Variants in ABCC11 observed in about 807,000 individuals in gnomAD.
ABCC11 encodes the protein ATP binding cassette subfamily C member 11, also known as ATP-binding cassette sub-family C member 11.
In ABCC11, 135 loss-of-function variants were observed where a neutral mutation model predicts 149.3. The observed-to-expected ratio is 0.90, with a 90% CI of 0.79 to 1.04. The LOEUF is 1.04. ABCC11 is among the 50% of genes least tolerant of loss of function. ABCC11 has a pLI of 0.00. For missense variants in ABCC11, 1,680 were observed against 1,722.1 expected, an observed-to-expected ratio of 0.98 and a Z score of 0.43; for synonymous variants, 665 against 671.4, an observed-to-expected ratio of 0.99 and a Z score of 0.15.
At chr16:48,219,045 C>T (rs1969544647) in intron 6 of ABCC11, among the ~76,000 whole-genome samples, 1 of 152,090 alleles carries the variant, frequency 6.6e-6, no homozygotes, top group Non-Finnish European at 1.5e-5. Context: ...TTTCTATTGG[C>T]AAAACCAAGA....
intron 9 of ABCC11, among the ~76,000 whole-genome samples, chr16:48,214,541 T>C (rs942486445): frequency 6.6e-6 from 1 of 152,134 alleles, no homozygotes; most frequent in Non-Finnish European, 1.5e-5. Flanking sequence ...CGCTATACCT[T>C]TGTATTTAAA....
At chr16:48,238,956 A>C (rs1192407155) in intron 1 of ABCC11, among the ~76,000 whole-genome samples, 1 of 151,100 alleles carries the variant, frequency 6.6e-6, no homozygotes, top group Non-Finnish European at 1.5e-5. Context: ...AAAAAAAAAA[A>C]AAACCATAAA....
intron 18 of ABCC11, among the ~76,000 whole-genome samples, chr16:48,194,807 T>C (rs903218045): frequency 1.3e-5 from 2 of 152,266 alleles, no homozygotes; most frequent in Non-Finnish European, 2.9e-5. Context: ...AGCACCTTGA[T>C]CTTGGACTTC....
chr16:48,180,117 G>A (rs766992978), intron 23 of ABCC11, among the ~76,000 whole-genome samples: 3 of 152,190 alleles, frequency 2.0e-5, no homozygotes, highest in Non-Finnish European at 2.9e-5. Flanking sequence ...ATGCTTCAGG[G>A]AAGCTTGGTT....
chr16:48,167,485 G>T lies in ABCC11; in HGVS notation c.4056+11C>A, dbSNP rs569131019. ...CTCATCCTCCCACCAGCCCAAGGAC[G>T]CAGCCTTCACCTTCCCATTGCCCAT... On this transcript the variant is annotated intron_variant, in intron 29 of 29. Transcript: ENST00000356608. 3.7e-6 allele frequency: 6 copies of T among 1,613,782 alleles called. No individual in the cohort carries two copies. In the African/African-American group the frequency reaches 8.0e-5, roughly 22 times the overall value.
At chr16:48,167,774 T>C in intron 28 of ABCC11, 114 bp from the exon 29 acceptor site, 1 of 1,213,428 alleles carries the variant, frequency 8.2e-7, no homozygotes, top group Non-Finnish European at 1.2e-6. Context: ...CTCCATTTCT[T>C]TAGCTGGGAA....
Position 48,200,495 on chromosome 16 carries a change from A to G in ABCC11, c.1879-16T>C, listed in dbSNP as rs2150819858. On this transcript the variant is annotated splice_polypyrimidine_tract_variant and intron_variant, in intron 14 of 29. Transcript: ENST00000356608. ...GCTCTCCAATCTGCAGACAGGCAGTAAAAGGCACCATGTCCAGACAGCAAG... is the reference window on the plus strand; with the variant it reads ...GCTCTCCAATCTGCAGACAGGCAGTGAAAGGCACCATGTCCAGACAGCAAG... 6.2e-7 allele frequency: 1 copy of G among 1,612,158 alleles called. No individual in the cohort carries two copies. Among genetic ancestry groups the G allele is most frequent in the Non-Finnish European group, 8.5e-7 (1 of 1,179,130 alleles).
chr16:48,223,382 C>T (rs756103146), intron 5 of ABCC11, among the ~76,000 whole-genome samples: 6 of 152,078 alleles, frequency 3.9e-5, no homozygotes, highest in Non-Finnish European at 8.8e-5. Flanking sequence ...AATCTCCCAC[C>T]GGTCAACCCC....
In ABCC11 at chr16:48,216,299, C is replaced by T. The variant is rs761510618; in HGVS notation, c.778-12G>A. ...AAGAAGCTGATGGCCTGCAAGACAG[C>T]AAGTTGATGGGCACAGATGTCACCT... On this transcript the variant is annotated splice_polypyrimidine_tract_variant and intron_variant, in intron 6 of 29. Coordinates refer to ENST00000356608, the MANE Select transcript of ABCC11 (RefSeq NM_001370497.1). 5 of 1,610,980 alleles carry T rather than the reference C, an allele frequency of 3.1e-6. No individual in the cohort carries two copies. The highest frequency in any genetic ancestry group is 2.2e-5 in the South Asian group (2 of 90,868).
At chr16:48,169,086 C>G (rs574561888) in intron 28 of ABCC11, among the ~76,000 whole-genome samples, 6 of 152,090 alleles carry the variant, frequency 3.9e-5, no homozygotes, top group African/African-American at 1.2e-4. Context: ...GCAATTTTGC[C>G]CTGGATCAGC....
chr16:48,175,147 G>A, intron 26 of ABCC11, 111 bp downstream of exon 26: 1 of 1,381,894 alleles, frequency 7.2e-7, no homozygotes. Context: ...AGCAGGCCAA[G>A]GAGGCCTGGA....
chr16:48,171,029 T>G, intron 26 of ABCC11, 62 bp from the exon 27 acceptor site: 1 of 1,363,066 alleles, frequency 7.3e-7, no homozygotes, highest in East Asian at 2.3e-5. Flanking sequence ...CACTCATTTA[T>G]ATGCCCAGTG....
At position 48,231,673 on chromosome 16, in the gene ABCC11, AAAAG is replaced by A. The variant is rs201621796; in HGVS notation, c.99+146_99+149del. On this transcript the variant is annotated intron_variant, in intron 2 of 29. Coordinates refer to ENST00000356608, the MANE Select transcript of ABCC11 (RefSeq NM_001370497.1). ...AAGACCCTGAGTCAAAAAAAAAAAA[AAAAG>A]AGAGAGAGAGAGAGCAAAAAGAGAA... 1.0e-2 allele frequency: 10,968 copies of A among 1,100,402 alleles called. 51 individuals are homozygous for A. Among genetic ancestry groups the A allele is most frequent in the African/African-American group, 0.055 (3,142 of 57,000 alleles). The allele number at this position is 1,100,402 out of a possible 1,614,324, so 68.2% of individuals were successfully genotyped here. A position where few individuals can be genotyped will look rare whatever the true frequency, so the allele number is the denominator to read the frequency against.
chr16:48,223,972 C>T (rs1969912186), intron 5 of ABCC11, among the ~76,000 whole-genome samples: 1 of 152,082 alleles, frequency 6.6e-6, no homozygotes, highest in South Asian at 2.1e-4. Flanking sequence ...AGGTCTACAC[C>T]TGAGGGTCCC....
chr16:48,173,079 T>C (rs895726077), intron 26 of ABCC11, among the ~76,000 whole-genome samples: 3 of 152,206 alleles, frequency 2.0e-5, no homozygotes, highest in Admixed American at 1.3e-4. Context: ...CTTTCATAGA[T>C]GGGTTATTTG....
At chr16:48,201,889 G>T (rs1437182375) in intron 14 of ABCC11, among the ~76,000 whole-genome samples, 1 of 152,230 alleles carries the variant, frequency 6.6e-6, no homozygotes, top group African/African-American at 2.4e-5. Flanking sequence ...GGAAGTGGGA[G>T]CTGGAGTGTA....
At chr16:48,238,331 C>T (rs1287967764) in intron 1 of ABCC11, among the ~76,000 whole-genome samples, 1 of 152,188 alleles carries the variant, frequency 6.6e-6, no homozygotes. Flanking sequence ...ACCTCATACT[C>T]AGATGTCTAT....
intron 1 of ABCC11, among the ~76,000 whole-genome samples, chr16:48,235,873 G>A (rs1359711243): frequency 6.6e-6 from 1 of 152,212 alleles, no homozygotes; most frequent in Non-Finnish European, 1.5e-5. Flanking sequence ...TGCGTATGGT[G>A]AAACAGACTG....
intron 18 of ABCC11, among the ~76,000 whole-genome samples, chr16:48,195,894 G>C (rs889541079): frequency 2.6e-5 from 4 of 152,170 alleles, no homozygotes; most frequent in African/African-American, 9.7e-5. Context: ...GGCACTTTGG[G>C]AGGCTGAGAT....
Sources: gnomAD v4.1 joint callset for allele counts (sites outside exome capture counted in the v4.1 genomes callset) on GRCh38, gnomAD v4.1.1 for gene constraint, MANE v1.5 for transcripts, NCBI Gene and HGNC (gene_info 2026-07-23, HGNC 2026-07-21) for gene names.